Variants in RAB6A observed in about 807,000 individuals in gnomAD.
RAB6A encodes ras-related protein Rab-6A.
Under a neutral mutation model 32.3 loss-of-function variants are expected in RAB6A, and 8 were observed. That is an observed-to-expected ratio of 0.25 (90% CI 0.15 to 0.45). The LOEUF (loss-of-function observed/expected upper bound fraction) is 0.45. Ranked by LOEUF, RAB6A falls within the 20% of genes least tolerant of loss-of-function variation. The pLI is 1.00. For missense variants in RAB6A, 104 were observed against 249.4 expected (o/e 0.42, Z 3.93); for synonymous variants, 73 against 82.1 (o/e 0.89, Z 0.60).
intron 2 of RAB6A, among the ~76,000 whole-genome samples, chr11:73,728,112 A>G (rs934001062): frequency 6.6e-5 from 10 of 152,254 alleles, no homozygotes; most frequent in African/African-American, 2.4e-4. Context: ...GTAAAGATTT[A>G]CAGTGTGCTT....
intron 7 of RAB6A, among the ~76,000 whole-genome samples, chr11:73,678,237 T>C (rs1389486231): frequency 6.6e-6 from 1 of 152,240 alleles, no homozygotes; most frequent in African/African-American, 2.4e-5. Context: ...GATATGAAGA[T>C]GATGTTCCTC....
Position 73,722,305 on chromosome 11 carries a change from GTATATATATATATATA to G in RAB6A, c.130-1422_130-1407del, listed in dbSNP as rs1204770272. ...AAAATTCAAATATATATGTGTGTGT[GTATATATATATATATA>G]TATATATATATATATATATATATTT... On this transcript the variant is annotated intron_variant, in intron 2 of 7. Coordinates refer to ENST00000336083, the MANE Select transcript of RAB6A (RefSeq NM_198896.2). 100 of 42,320 alleles carry G rather than the reference GTATATATATATATATA, an allele frequency of 2.4e-3. 1 individual carries two copies. Among genetic ancestry groups the G allele is most frequent in the African/African-American group, 6.8e-3 (69 of 10,092 alleles). 2.6% of individuals were successfully genotyped at this position (42,320 alleles called of 1,614,324 possible). A position where few individuals can be genotyped will look rare whatever the true frequency, so the allele number is the denominator to read the frequency against.
intron 6 of RAB6A, among the ~76,000 whole-genome samples, chr11:73,701,741 C>T (rs1305718614): frequency 6.6e-6 from 1 of 151,312 alleles, no homozygotes; most frequent in South Asian, 2.1e-4. Flanking sequence ...GCTGCCTCGA[C>T]CCCCTGGGCC....
chr11:73,741,142 T>TC (rs1946489811), intron 1 of RAB6A, among the ~76,000 whole-genome samples: 1 of 151,574 alleles, frequency 6.6e-6, no homozygotes, highest in Non-Finnish European at 1.5e-5. Context: ...ATATACTCCT[T>TC]CCCCCCACCC....
At chr11:73,751,782 C>G (rs754753326) in intron 1 of RAB6A, among the ~76,000 whole-genome samples, 10 of 152,202 alleles carry the variant, frequency 6.6e-5, no homozygotes, top group Non-Finnish European at 8.8e-5. Context: ...TCCAAGAACA[C>G]TGACAACCAA....
chr11:73,727,429 G>GAA lies in RAB6A; in HGVS notation c.129+3334_129+3335dup, dbSNP rs35146058. 8.2e-4 allele frequency among the ~76,000 whole-genome samples: 118 copies of GAA among 143,390 alleles called. No individual in the cohort carries two copies. The East Asian group carries it at 8.4e-3, about 10-fold the overall frequency. The allele number at this position is 143,390 out of a possible 152,430, so 94.1% of individuals were successfully genotyped here. Reference sequence around the variant, plus strand: ...CGACAAAGCAATACTCTATCTCTTGGAAAAAAAAAAAAAGAACTTTTTTTT... The same window carrying GAA: ...CGACAAAGCAATACTCTATCTCTTGGAAAAAAAAAAAAAAAGAACTTTTTTTT... On this transcript the variant is annotated intron_variant, in intron 2 of 7. Transcript: ENST00000336083.
At chr11:73,693,555 T>C (rs1048993442) in intron 6 of RAB6A, among the ~76,000 whole-genome samples, 2 of 137,948 alleles carry the variant, frequency 1.4e-5, no homozygotes, top group East Asian at 4.4e-4. Flanking sequence ...CAAGACTCCA[T>C]CTTTTTTTTT....
At chr11:73,756,265 G>C (rs1946749062) in intron 1 of RAB6A, among the ~76,000 whole-genome samples, 1 of 152,056 alleles carries the variant, frequency 6.6e-6, no homozygotes, top group Non-Finnish European at 1.5e-5. Context: ...GAGGTGGGAG[G>C]ATCACTTGAG....
chr11:73,747,057 G>C (rs1489404343), intron 1 of RAB6A, among the ~76,000 whole-genome samples: 1 of 149,168 alleles, frequency 6.7e-6, no homozygotes, highest in Non-Finnish European at 1.5e-5. Flanking sequence ...CTCCCAAAGT[G>C]CTGGGATTAC....
At chr11:73,708,989 G>A (rs761964727) in intron 5 of RAB6A, among the ~76,000 whole-genome samples, 18 of 152,062 alleles carry the variant, frequency 1.2e-4, no homozygotes, top group Admixed American at 5.2e-4. Flanking sequence ...TTTTACATTT[G>A]CTTGTGTTAT....
intron 7 of RAB6A, among the ~76,000 whole-genome samples, chr11:73,678,626 C>T (rs956709353): frequency 4.0e-5 from 6 of 151,534 alleles, no homozygotes; most frequent in South Asian, 2.1e-4. Flanking sequence ...CAAAAAAAAA[C>T]GGCGGTGGGC....
Position 73,760,845 on chromosome 11 carries a change from G to T in RAB6A, c.-210C>A. The stretch of plus-strand genomic sequence containing the variant: ...CCTCCCGGCAGAGTAGCCTAGCACC[G>T]AGCGAGGCCCGCGGCTGGGAAGGGA... On this transcript the variant is annotated 5_prime_UTR_variant, in exon 1 of 8. Transcript: ENST00000336083. 1 of 579,806 alleles carries T rather than the reference G, an allele frequency of 1.7e-6. No individual in the cohort carries two copies. The highest frequency in any genetic ancestry group is 2.9e-6 in the Non-Finnish European group (1 of 346,570). 35.9% of individuals were successfully genotyped at this position (579,806 alleles called of 1,614,324 possible). A position where few individuals can be genotyped will look rare whatever the true frequency, so the allele number is the denominator to read the frequency against.
intron 7 of RAB6A, among the ~76,000 whole-genome samples, chr11:73,678,854 T>G (rs758178625): frequency 6.6e-6 from 1 of 151,060 alleles, no homozygotes; most frequent in Non-Finnish European, 1.5e-5. Flanking sequence ...ACCTCCTTAG[T>G]AGCTGGGATT....
At chr11:73,700,054 T>G (rs1207622886) in intron 6 of RAB6A, among the ~76,000 whole-genome samples, 1 of 152,220 alleles carries the variant, frequency 6.6e-6, no homozygotes, top group African/African-American at 2.4e-5. Context: ...CAAACAAATC[T>G]TCTTTTTATG....
At chr11:73,731,684 TTATATATATATATATATA>T (rs1157961323) in intron 1 of RAB6A, among the ~76,000 whole-genome samples, 15 of 14,516 alleles carry the variant, frequency 1.0e-3, no homozygotes, top group Non-Finnish European at 1.3e-3. Flanking sequence ...TAGATAGATA[TTATATATATATATATATA>T]TATATATATA....
chr11:73,754,942 G>T (rs111782603), intron 1 of RAB6A, among the ~76,000 whole-genome samples: 1,636 of 151,288 alleles, frequency 0.011, 26 homozygotes, highest in African/African-American at 0.035. Context: ...TTATTTTTTT[G>T]AGATGGAGTT....
At chr11:73,760,206 A>G (rs1590903229) in intron 1 of RAB6A, 2 of 929,798 alleles carry the variant, frequency 2.2e-6, no homozygotes, top group Non-Finnish European at 3.1e-6. Flanking sequence ...AGCAAGGAAT[A>G]AGGGTGGGGC....
At chr11:73,695,653 T>C (rs963413431) in intron 6 of RAB6A, among the ~76,000 whole-genome samples, 1 of 152,318 alleles carries the variant, frequency 6.6e-6, no homozygotes, top group Admixed American at 6.5e-5. Flanking sequence ...GTACTGGGAT[T>C]ACAGGCGTGA....
Position 73,677,797 on chromosome 11 carries a change from G to A in RAB6A, c.*101C>T. Reference sequence around the variant, plus strand: ...TGATGAATTGCAATACGTTATTACTGAAGGGAAAAGGTTCAAGCCAATATT... The same window carrying A: ...TGATGAATTGCAATACGTTATTACTAAAGGGAAAAGGTTCAAGCCAATATT... On this transcript the variant is annotated 3_prime_UTR_variant, in exon 8 of 8. Coordinates refer to ENST00000336083, the MANE Select transcript of RAB6A (RefSeq NM_198896.2). 1.3e-6 allele frequency: 2 copies of A among 1,590,622 alleles called. No homozygotes were observed. Among genetic ancestry groups the A allele is most frequent in the African/African-American group, 1.3e-5 (1 of 74,336 alleles).
Sources: allele counts gnomAD v4.1 joint callset (sites outside exome capture counted in the v4.1 genomes callset), GRCh38; gene constraint gnomAD v4.1.1; transcripts MANE v1.5; gene names NCBI Gene and HGNC (gene_info 2026-07-23, HGNC 2026-07-21).